The following TMEM132B variants were observed in gnomAD, a reference collection of about 807,000 sequenced individuals.
The protein encoded by TMEM132B is transmembrane protein 132B.
Under a neutral mutation model 90.8 loss-of-function variants are expected in TMEM132B, and 18 were observed. That is an observed-to-expected ratio of 0.20 (90% CI 0.14 to 0.29). TMEM132B has a LOEUF of 0.29. Ranked by LOEUF, TMEM132B falls within the 10% of genes least tolerant of loss-of-function variation. The pLI is 1.00. For synonymous variants in TMEM132B, 504 were observed against 523.3 expected (o/e 0.96, Z 0.50); for missense variants, 1,096 against 1,326.8 (o/e 0.83, Z 2.70).
At chr12:125,515,109 C>T (rs931630257) in intron 3 of TMEM132B, among the ~76,000 whole-genome samples, 1 of 152,136 alleles carries the variant, frequency 6.6e-6, no homozygotes, top group African/African-American at 2.4e-5. Context: ...CACTCCATGG[C>T]GGATTCCTCC....
chr12:125,330,804 G>C (rs541871246), intron 1 of TMEM132B, among the ~76,000 whole-genome samples: 1 of 152,360 alleles, frequency 6.6e-6, no homozygotes, highest in South Asian at 2.1e-4. Flanking sequence ...CACTTGGGGA[G>C]GCAGAGGTGG....
At chr12:125,348,605 G>A (rs1877447812) in intron 1 of TMEM132B, among the ~76,000 whole-genome samples, 1 of 152,046 alleles carries the variant, frequency 6.6e-6, no homozygotes, top group South Asian at 2.1e-4. Context: ...AACGTGCTGG[G>A]ATTACAGGTG....
intron 5 of TMEM132B, among the ~76,000 whole-genome samples, chr12:125,636,812 A>C (rs1422054100): frequency 6.6e-6 from 1 of 152,188 alleles, no homozygotes; most frequent in Non-Finnish European, 1.5e-5. Context: ...CTGTCTTGAG[A>C]TTATCTCACA....
chr12:125,514,209 C>T (rs1883050043), intron 3 of TMEM132B, among the ~76,000 whole-genome samples: 1 of 152,238 alleles, frequency 6.6e-6, no homozygotes, highest in South Asian at 2.1e-4. Context: ...CGCCCCCCAC[C>T]CCCAACGAGT....
At chr12:125,531,653 G>A (rs535567565) in intron 4 of TMEM132B, among the ~76,000 whole-genome samples, 103 of 152,294 alleles carry the variant, frequency 6.8e-4, no homozygotes, top group African/African-American at 2.4e-3. Flanking sequence ...CTGTCTCTTA[G>A]GTTCTCTAAT....
At chr12:125,632,477 A>G (rs1387417158) in intron 5 of TMEM132B, among the ~76,000 whole-genome samples, 3 of 152,104 alleles carry the variant, frequency 2.0e-5, no homozygotes, top group Non-Finnish European at 4.4e-5. Context: ...CCTTACTATT[A>G]CTAGTGAGTT....
chr12:125,341,358 G>A (rs1877174339), intron 1 of TMEM132B, among the ~76,000 whole-genome samples: 1 of 152,162 alleles, frequency 6.6e-6, no homozygotes, highest in Non-Finnish European at 1.5e-5. Context: ...GCTTAGAATG[G>A]TGTTTGATCT....
At chr12:125,374,028 C>A (rs1404576590) in intron 2 of TMEM132B, among the ~76,000 whole-genome samples, 2 of 152,232 alleles carry the variant, frequency 1.3e-5, no homozygotes, top group African/African-American at 2.4e-5. Context: ...CTCCTGGCCT[C>A]AAGTGAACTG....
chr12:125,187,773 TCCCCCCA>T (rs1296430161), intron 1 of TMEM132B, among the ~76,000 whole-genome samples: 2 of 88,270 alleles, frequency 2.3e-5, no homozygotes, highest in African/African-American at 9.0e-5. Context: ...ATTCCTCCCC[TCCCCCCA>T]CCCCATGCAA....
At chr12:125,517,326 GATTTTTTTTTTTTTTTTTTT>G (rs1462154040) in intron 3 of TMEM132B, among the ~76,000 whole-genome samples, 1,895 of 88,016 alleles carry the variant, frequency 0.022, 317 homozygotes, top group African/African-American at 0.068. Context: ...ATGCCCTGCT[GATTTTTTTTTTTTTTTTTTT>G]TTTTTTTTTT....
chr12:125,509,710 T>G (rs1261607556), intron 3 of TMEM132B, among the ~76,000 whole-genome samples: 1 of 152,182 alleles, frequency 6.6e-6, no homozygotes, highest in Non-Finnish European at 1.5e-5. Flanking sequence ...AGGAATGGAT[T>G]ATCTATTCAA....
intron 3 of TMEM132B, among the ~76,000 whole-genome samples, chr12:125,457,146 G>C (rs1031995139): frequency 6.6e-6 from 1 of 152,174 alleles, no homozygotes; most frequent in Non-Finnish European, 1.5e-5. Flanking sequence ...TGATGATAAA[G>C]CTGCATGTAC....
chr12:125,568,468 A>G (rs910044132), intron 4 of TMEM132B, among the ~76,000 whole-genome samples: 3 of 152,008 alleles, frequency 2.0e-5, no homozygotes, highest in African/African-American at 7.2e-5. Context: ...CCCCCATGCA[A>G]TGCCTGATAG....
At chr12:125,432,600 A>G (rs1880574649) in intron 3 of TMEM132B, among the ~76,000 whole-genome samples, 1 of 147,384 alleles carries the variant, frequency 6.8e-6, no homozygotes, top group African/African-American at 2.5e-5. Context: ...TGCAATGCCC[A>G]TGGCTTGCTG....
At chr12:125,500,200 G>A (rs984765353) in intron 3 of TMEM132B, among the ~76,000 whole-genome samples, 1 of 152,176 alleles carries the variant, frequency 6.6e-6, no homozygotes, top group African/African-American at 2.4e-5. Flanking sequence ...GCAATAGAGA[G>A]CCTCTTTGGT....
chr12:125,463,045 C>T (rs538332187), intron 3 of TMEM132B, among the ~76,000 whole-genome samples: 76 of 152,224 alleles, frequency 5.0e-4, no homozygotes, highest in Non-Finnish European at 9.7e-4. Context: ...TCCAAATGTT[C>T]CAATTGTGTG....
At chr12:125,503,401 A>T (rs140209786) in intron 3 of TMEM132B, among the ~76,000 whole-genome samples, 2 of 152,236 alleles carry the variant, frequency 1.3e-5, no homozygotes, top group African/African-American at 4.8e-5. Context: ...TTGCTTTTTC[A>T]TCCTATTGTT....
At chr12:125,575,108 A>G (rs530568521) in intron 4 of TMEM132B, among the ~76,000 whole-genome samples, 1 of 132,700 alleles carries the variant, frequency 7.5e-6, no homozygotes, top group Admixed American at 8.0e-5. Context: ...GCTAGGTCAT[A>G]TGGTAATTCT....
chr12:125,396,306 C>G (rs971159298), intron 2 of TMEM132B, among the ~76,000 whole-genome samples: 1 of 152,120 alleles, frequency 6.6e-6, no homozygotes. Flanking sequence ...CATTTTAGCA[C>G]CAAAGGATGA....
Sources: gnomAD v4.1 joint callset for allele counts (sites outside exome capture counted in the v4.1 genomes callset) on GRCh38, gnomAD v4.1.1 for gene constraint, MANE v1.5 for transcripts, NCBI Gene and HGNC (gene_info 2026-07-23, HGNC 2026-07-21) for gene names.